Variants in LMNA observed in about 807,000 individuals in gnomAD.
The protein encoded by LMNA is lamin A/C, also known as lamin.
A neutral mutation model predicts 70.4 loss-of-function variants in LMNA; 20 were observed. That is an observed-to-expected ratio of 0.28 (90% CI 0.20 to 0.41). The LOEUF (loss-of-function observed/expected upper bound fraction) is 0.41, where lower values mean the gene tolerates loss of function less well. Among genes scored for constraint, LMNA ranks in the 10% least tolerant of loss-of-function variants. The pLI is 1.00. For missense variants in LMNA, 652 were observed against 917.2 expected, an observed-to-expected ratio of 0.71 and a Z score of 3.73; for synonymous variants, 339 against 372.8, an observed-to-expected ratio of 0.91 and a Z score of 1.04.
Position 156,139,570 on chromosome 1 carries a change from C to T in LMNA, c.*464C>T. On this transcript the variant is annotated 3_prime_UTR_variant, in exon 12 of 12. Transcript: ENST00000368300. ...CTCCTCTGGACGGCAGGCTCACTGC[C>T]AGGCCAGCCTCCGAGAGGGAGAGAG... 1 of 1,397,228 alleles carries T rather than the reference C, an allele frequency of 7.2e-7. No individual in the cohort carries two copies. 86.6% of individuals were successfully genotyped at this position (1,397,228 alleles called of 1,614,324 possible).
In LMNA at chr1:156,138,246, G is replaced by A. The variant is rs567652460; in HGVS notation, c.1699-242G>A. 16 of 596,338 alleles carry A rather than the reference G, an allele frequency of 2.7e-5. No homozygotes were observed. The South Asian group carries it at 3.2e-4, about 12-fold the overall frequency. 36.9% of individuals were successfully genotyped at this position (596,338 alleles called of 1,614,324 possible). A position where few individuals can be genotyped will look rare whatever the true frequency, so the allele number is the denominator to read the frequency against. ...TTAAGCTCAGAGTAGCTAGAACAGA[G>A]TCAGAGTCACTGCTCTGGTTCTCTG... On this transcript the variant is annotated intron_variant, in intron 10 of 11. Coordinates refer to ENST00000368300, the MANE Select transcript of LMNA (RefSeq NM_170707.4). This position sits in a 1 kb window ranked among gnomAD's most constrained non-coding sequence, Gnocchi z 5.5.
At chr1:156,116,318 C>T (rs1024772000) in intron 1 of LMNA, among the ~76,000 whole-genome samples, 1 of 152,142 alleles carries the variant, frequency 6.6e-6, no homozygotes, top group African/African-American at 2.4e-5. Flanking sequence ...AGGCCACTCC[C>T]ACTTTACCCA....
intron 3 of LMNA, among the ~76,000 whole-genome samples, chr1:156,100,498 G>A (rs1649104833): frequency 6.6e-6 from 1 of 152,116 alleles, no homozygotes; most frequent in African/African-American, 2.4e-5. Flanking sequence ...CACATGGTGA[G>A]TGCTCTCTAA....
chr1:156,108,065 C>T (rs1330890172), intron 3 of LMNA, among the ~76,000 whole-genome samples: 1 of 152,114 alleles, frequency 6.6e-6, no homozygotes, highest in Non-Finnish European at 1.5e-5. Context: ...CTGCTCCCAG[C>T]CGGAATTTGG....
rs750352203 is a variant in LMNA, at chr1:156,136,397, G to A, written c.1341G>A (p.Glu447=). 35 of 1,607,992 alleles carry A rather than the reference G, an allele frequency of 2.2e-5. No individual in the cohort carries two copies. In the South Asian group the frequency reaches 3.9e-4, roughly 18 times the overall value. ...GCGTGGCCGTGGAGGAGGTGGATGAGGAGGGCAAGTTTGTCCGGCTGCGCA... is the reference window on the plus strand; with the variant it reads ...GCGTGGCCGTGGAGGAGGTGGATGAAGAGGGCAAGTTTGTCCGGCTGCGCA... ...SGRVAVEEVD[E]EGKFVRLRNK... The change falls in exon 7 of 12, where the codon GAG becomes GAA. Residue 447 remains glutamate, a synonymous_variant. Transcript: ENST00000368300. This position sits in a 1 kb window ranked among gnomAD's most constrained non-coding sequence, Gnocchi z 6.1.
Position 156,139,578 on chromosome 1 carries a change from C to A in LMNA, c.*472C>A. ...GACGGCAGGCTCACTGCCAGGCCAG[C>A]CTCCGAGAGGGAGAGAGAGAGAGAG... On this transcript the variant is annotated 3_prime_UTR_variant, in exon 12 of 12. Coordinates refer to ENST00000368300, the MANE Select transcript of LMNA (RefSeq NM_170707.4). The A allele has an allele frequency of 7.1e-7, 1 of 1,400,190 alleles. No homozygotes were observed. Among genetic ancestry groups the A allele is most frequent in the African/African-American group, 1.5e-5 (1 of 67,976 alleles). 86.7% of individuals were successfully genotyped at this position (1,400,190 alleles called of 1,614,324 possible).
In LMNA at chr1:156,139,853, G is replaced by A. The variant is rs189656652; in HGVS notation, c.*747G>A. 1.0e-3 allele frequency: 1,582 copies of A among 1,507,754 alleles called. 14 individuals carry two copies. In the African/African-American group the frequency reaches 0.019, roughly 19 times the overall value. 93.4% of individuals were successfully genotyped at this position (1,507,754 alleles called of 1,614,324 possible). A position where few individuals can be genotyped will look rare whatever the true frequency, so the allele number is the denominator to read the frequency against. On this transcript the variant is annotated 3_prime_UTR_variant, in exon 12 of 12. Coordinates refer to ENST00000368300, the MANE Select transcript of LMNA (RefSeq NM_170707.4). ...TGCCTTCCCTAGCTTTAGACCCTGGGTGGGCTCTGTGCAGTCACTGGAGGT... is the reference window on the plus strand; with the variant it reads ...TGCCTTCCCTAGCTTTAGACCCTGGATGGGCTCTGTGCAGTCACTGGAGGT...
intron 2 of LMNA, among the ~76,000 whole-genome samples, chr1:156,133,361 A>T (rs1459627386): frequency 1.3e-5 from 2 of 151,660 alleles, no homozygotes; most frequent in Non-Finnish European, 2.9e-5. Context: ...TCACGAGGTC[A>T]GGAGATCGAG....
In LMNA at chr1:156,137,036, G is replaced by T; in HGVS notation, c.1488+8G>T. 6.2e-7 allele frequency: 1 copy of T among 1,614,142 alleles called. No individual in the cohort carries two copies. The highest frequency in any genetic ancestry group is 8.5e-7 in the Non-Finnish European group (1 of 1,179,996). The stretch of plus-strand genomic sequence containing the variant: ...GCTGGGCAGGTGGTGACGGTGAGTG[G>T]CAGGGCGCTTGGGACTCTGGGGAGG... On this transcript the variant is annotated splice_region_variant and intron_variant, in intron 8 of 11. Coordinates refer to ENST00000368300, the MANE Select transcript of LMNA (RefSeq NM_170707.4). The surrounding 1 kb of genome is among the most constrained non-coding windows in gnomAD (Gnocchi z 4.6).
chr1:156,137,329 G>T lies in LMNA; in HGVS notation c.1608+97G>T. ...CCCAACCCAAGTTTGCCAATTCAGG[G>T]CCCCTTTCTAGAGCTCTCTGTTGCA... On this transcript the variant is annotated intron_variant, in intron 9 of 11. Coordinates refer to ENST00000368300, the MANE Select transcript of LMNA (RefSeq NM_170707.4). This position sits in a 1 kb window ranked among gnomAD's most constrained non-coding sequence, Gnocchi z 4.6. The T allele has an allele frequency of 6.8e-7, 1 of 1,480,600 alleles. No individual in the cohort carries two copies. The highest frequency in any genetic ancestry group is 9.1e-7 in the Non-Finnish European group (1 of 1,097,778). 91.7% of individuals were successfully genotyped at this position (1,480,600 alleles called of 1,614,324 possible).
chr1:156,114,654 C>T (rs1649671489), upstream of LMNA: 1 of 309,444 alleles, frequency 3.2e-6, no homozygotes. Flanking sequence ...AGAGTAGTGG[C>T]CCCTCCTCCC....
At chr1:156,097,139 A>C (rs1440214108) in intron 3 of LMNA, among the ~76,000 whole-genome samples, 7 of 152,140 alleles carry the variant, frequency 4.6e-5, no homozygotes, top group Non-Finnish European at 1.0e-4. Flanking sequence ...TAGGAACCAG[A>C]CACAATGTGG....
At chr1:156,125,929 G>T (rs1010730799) in intron 1 of LMNA, among the ~76,000 whole-genome samples, 1 of 152,118 alleles carries the variant, frequency 6.6e-6, no homozygotes, top group Non-Finnish European at 1.5e-5. Context: ...GGTGAAGGTT[G>T]CAGTGAGATC....
chr1:156,100,526 T>C (rs890801662), intron 3 of LMNA, among the ~76,000 whole-genome samples: 1 of 151,964 alleles, frequency 6.6e-6, no homozygotes, highest in East Asian at 1.9e-4. Flanking sequence ...CTCTCCTTAC[T>C]ATTGTTATTG....
chr1:156,093,298 AAT>A (rs1648780678), intron 3 of LMNA, among the ~76,000 whole-genome samples: 1 of 137,224 alleles, frequency 7.3e-6, no homozygotes, highest in Non-Finnish European at 1.5e-5. Flanking sequence ...TTTATATGTC[AAT>A]TTTTTTTTTT....
Position 156,136,374 on chromosome 1 carries a change from G to T in LMNA, c.1318G>T (p.Val440Leu). The change falls in exon 7 of 12, where the codon GTG becomes TTG. Residue 440 changes from valine (V) to leucine (L), a missense_variant. Val to Leu is a conservative substitution (Grantham distance 32). Coordinates refer to ENST00000368300, the MANE Select transcript of LMNA (RefSeq NM_170707.4). The surrounding 1 kb of genome is among the most constrained non-coding windows in gnomAD (Gnocchi z 6.1). ...ACAGCACGCACGCACTAGCGGGCGCGTGGCCGTGGAGGAGGTGGATGAGGA... is the reference window on the plus strand; with the variant it reads ...ACAGCACGCACGCACTAGCGGGCGCTTGGCCGTGGAGGAGGTGGATGAGGA... ...FSQHARTSGRVAVEEVDEEGK... is the reference protein window; with the variant it reads ...FSQHARTSGRLAVEEVDEEGK... 6.2e-7 allele frequency: 1 copy of T among 1,611,802 alleles called. No homozygotes were observed. Among genetic ancestry groups the T allele is most frequent in the Non-Finnish European group, 8.5e-7 (1 of 1,179,816 alleles).
Position 156,127,332 on chromosome 1 carries a change from G to A in LMNA, c.357-3285G>A, listed in dbSNP as rs1289649074. 2.6e-5 allele frequency among the ~76,000 whole-genome samples: 4 copies of A among 152,180 alleles called. No homozygotes were observed. In the East Asian group the frequency reaches 5.8e-4, roughly 22 times the overall value. On this transcript the variant is annotated intron_variant, in intron 1 of 11. Transcript: ENST00000368300. The stretch of plus-strand genomic sequence containing the variant: ...AGTCATGAGCCCATGGGTGATAGTG[G>A]CTTCTTCCCCGCAGATGGGAGCTCC...
chr1:156,118,931 C>T (rs1289867657), intron 1 of LMNA, among the ~76,000 whole-genome samples: 1 of 152,088 alleles, frequency 6.6e-6, no homozygotes, highest in African/African-American at 2.4e-5. Flanking sequence ...GAAGAAACCC[C>T]TTTCGCCAAT....
At chr1:156,132,094 C>T (rs1441916976) in intron 2 of LMNA, among the ~76,000 whole-genome samples, 1 of 152,156 alleles carries the variant, frequency 6.6e-6, no homozygotes, top group African/African-American at 2.4e-5. Context: ...ATCATTTGAA[C>T]CCAGGATCAG....
Sources: allele counts gnomAD v4.1 joint callset (sites outside exome capture counted in the v4.1 genomes callset), GRCh38; gene constraint gnomAD v4.1.1; non-coding constraint Gnocchi (gnomAD v3.1); transcripts MANE v1.5; gene names NCBI Gene and HGNC (gene_info 2026-07-23, HGNC 2026-07-21).